KCNJ3: variants seen among roughly 807,000 people sequenced by gnomAD.
KCNJ3 encodes G protein-activated inward rectifier potassium channel 1.
Under a neutral mutation model 39.2 loss-of-function variants are expected in KCNJ3, and 4 were observed. That is an observed-to-expected ratio of 0.10 (90% CI 0.05 to 0.23). The LOEUF is 0.23. Among genes scored for constraint, KCNJ3 ranks in the 10% least tolerant of loss-of-function variants. The pLI is 1.00. For missense variants in KCNJ3, 276 were observed against 634.9 expected (o/e 0.43, Z 6.08); for synonymous variants, 230 against 237.4 (o/e 0.97, Z 0.29).
At chr2:154,751,515 G>A (rs540967229) in intron 2 of KCNJ3, among the ~76,000 whole-genome samples, 14 of 151,896 alleles carry the variant, frequency 9.2e-5, no homozygotes, top group Middle Eastern at 3.4e-3. Context: ...ATCCATTCAC[G>A]TATCCATTTT....
At chr2:154,724,946 G>A (rs919572069) in intron 2 of KCNJ3, among the ~76,000 whole-genome samples, 2 of 58,868 alleles carry the variant, frequency 3.4e-5, no homozygotes, top group African/African-American at 2.0e-4. Context: ...TACCTTTGAT[G>A]CAGACCTGAG....
At chr2:154,738,547 C>T (rs1326634935) in intron 2 of KCNJ3, among the ~76,000 whole-genome samples, 1 of 151,828 alleles carries the variant, frequency 6.6e-6, no homozygotes, top group Non-Finnish European at 1.5e-5. Context: ...TATACACCTA[C>T]TATGTAGCCA....
intron 2 of KCNJ3, among the ~76,000 whole-genome samples, chr2:154,727,767 T>C (rs777312054): frequency 1.9e-4 from 29 of 151,810 alleles, no homozygotes; most frequent in Non-Finnish European, 3.4e-4. Flanking sequence ...CTTTTAAAAA[T>C]GGCGTTTATA....
At chr2:154,829,365 G>T (rs1687324252) in intron 2 of KCNJ3, among the ~76,000 whole-genome samples, 2 of 152,102 alleles carry the variant, frequency 1.3e-5, no homozygotes, top group Admixed American at 6.6e-5. Context: ...CCACATATAA[G>T]TGAGAACATG....
At chr2:154,811,813 G>C (rs1687012209) in intron 2 of KCNJ3, among the ~76,000 whole-genome samples, 1 of 152,182 alleles carries the variant, frequency 6.6e-6, no homozygotes, top group African/African-American at 2.4e-5. Flanking sequence ...GTTTGTAGCA[G>C]AGATGGGTGG....
chr2:154,826,797 CCTAT>C (rs1310663438), intron 2 of KCNJ3, among the ~76,000 whole-genome samples: 5 of 152,206 alleles, frequency 3.3e-5, no homozygotes, highest in East Asian at 1.9e-4. Flanking sequence ...TATAAATGAA[CCTAT>C]CTGTTTGTGC....
Position 154,748,534 on chromosome 2 carries a change from T to C in KCNJ3, c.919+38715T>C, listed in dbSNP as rs187129225. Among the ~76,000 whole-genome samples the C allele has an allele frequency of 5.3e-3, 805 of 152,216 alleles. 6 individuals carry two copies. Among genetic ancestry groups the C allele is most frequent in the African/African-American group, 0.017 (709 of 41,566 alleles). On this transcript the variant is annotated intron_variant, in intron 2 of 2. Coordinates refer to ENST00000295101, the MANE Select transcript of KCNJ3 (RefSeq NM_002239.4). ...AGGAAGCAATTCTACATGACATTTC[T>C]GGGATGCCCAGTGCCCTTCGTCCTG...
rs1249944016 is a variant in KCNJ3, at chr2:154,856,187, C to T, written c.*874C>T. On this transcript the variant is annotated 3_prime_UTR_variant, in exon 3 of 3. Coordinates refer to ENST00000295101, the MANE Select transcript of KCNJ3 (RefSeq NM_002239.4). Reference sequence around the variant, plus strand: ...ATTTGAGAATTATTCCTTTCCTAGACTAATTAAAATCTGGAAATCTGTTTT... The same window carrying T: ...ATTTGAGAATTATTCCTTTCCTAGATTAATTAAAATCTGGAAATCTGTTTT... 6.6e-6 allele frequency: 1 copy of T among 152,492 alleles called. No homozygotes were observed. The highest frequency in any genetic ancestry group is 1.5e-5 in the Non-Finnish European group (1 of 67,988). The allele number at this position is 152,492 out of a possible 1,614,324, so 9.4% of individuals were successfully genotyped here. A position where few individuals can be genotyped will look rare whatever the true frequency, so the allele number is the denominator to read the frequency against.
rs1347187522 is a variant in KCNJ3, at chr2:154,740,275, T to A, written c.919+30456T>A. Among the ~76,000 whole-genome samples the A allele has an allele frequency of 2.0e-5, 3 of 152,068 alleles. No homozygotes were observed. In the East Asian group the frequency reaches 5.8e-4, roughly 29 times the overall value. On this transcript the variant is annotated intron_variant, in intron 2 of 2. Transcript: ENST00000295101. ...TATTATTTCCTTGATTGATCTTATG[T>A]TCCCTGTTGTTGCCAGTAATTAAAA... is the stretch of plus-strand genomic sequence containing the variant.
rs16838325 is a variant in KCNJ3, at chr2:154,854,613, A to C, written c.920-114A>C. On this transcript the variant is annotated intron_variant, in intron 2 of 2. Transcript: ENST00000295101. ...TAATCTATTCTATTATTCGGGCTTC[A>C]GATAAACAGTCCAAAACCTAGATAA... The C allele has an allele frequency of 4.4e-6, 3 of 685,892 alleles. No homozygotes were observed. The Middle Eastern group carries it at 1.2e-3, about 277-fold the overall frequency. 42.5% of individuals were successfully genotyped at this position (685,892 alleles called of 1,614,324 possible).
intron 2 of KCNJ3, among the ~76,000 whole-genome samples, chr2:154,827,566 G>A (rs1214234529): frequency 6.6e-6 from 1 of 152,028 alleles, no homozygotes; most frequent in African/African-American, 2.4e-5. Flanking sequence ...AATAACTGCT[G>A]CTTGAAACAC....
intron 1 of KCNJ3, among the ~76,000 whole-genome samples, chr2:154,706,465 C>A (rs143877687): frequency 1.3e-5 from 2 of 151,920 alleles, no homozygotes; most frequent in African/African-American, 4.8e-5. Context: ...ATCAGTGGTG[C>A]CAATTTATTA....
chr2:154,838,861 C>G (rs1687518276), intron 2 of KCNJ3, among the ~76,000 whole-genome samples: 1 of 152,132 alleles, frequency 6.6e-6, no homozygotes, highest in Non-Finnish European at 1.5e-5. Flanking sequence ...ATTTTCTTCT[C>G]TATGCTAGTG....
chr2:154,731,546 A>G (rs1317948638), intron 2 of KCNJ3, among the ~76,000 whole-genome samples: 1 of 152,038 alleles, frequency 6.6e-6, no homozygotes, highest in Non-Finnish European at 1.5e-5. Flanking sequence ...TTAAGTACAT[A>G]TTTGAGTTAA....
At chr2:154,810,948 C>G (rs1473414860) in intron 2 of KCNJ3, among the ~76,000 whole-genome samples, 1 of 152,094 alleles carries the variant, frequency 6.6e-6, no homozygotes, top group African/African-American at 2.4e-5. Context: ...CTTTTACTAT[C>G]CAAAGTTAAA....
intron 2 of KCNJ3, among the ~76,000 whole-genome samples, chr2:154,845,618 A>G (rs1020431467): frequency 1.3e-5 from 2 of 152,214 alleles, no homozygotes; most frequent in Non-Finnish European, 2.9e-5. Flanking sequence ...GAAAGCAGAA[A>G]AAAGTTTGAT....
intron 2 of KCNJ3, among the ~76,000 whole-genome samples, chr2:154,794,000 C>T (rs1274996264): frequency 2.0e-5 from 3 of 151,852 alleles, no homozygotes; most frequent in Admixed American, 2.0e-4. Flanking sequence ...TATGTGTTCA[C>T]TTTCAGCAAT....
At chr2:154,842,957 T>C (rs1314969804) in intron 2 of KCNJ3, among the ~76,000 whole-genome samples, 2 of 152,232 alleles carry the variant, frequency 1.3e-5, no homozygotes, top group Non-Finnish European at 2.9e-5. Context: ...AATATTGTTA[T>C]GTGTGAATTT....
chr2:154,819,366 C>T (rs1329843658), intron 2 of KCNJ3, among the ~76,000 whole-genome samples: 4 of 152,128 alleles, frequency 2.6e-5, no homozygotes, highest in Non-Finnish European at 5.9e-5. Context: ...TCCTCAGATT[C>T]AATCAGTATC....
Sources: gnomAD v4.1 joint callset for allele counts (sites outside exome capture counted in the v4.1 genomes callset) on GRCh38, gnomAD v4.1.1 for gene constraint, MANE v1.5 for transcripts, NCBI Gene and HGNC (gene_info 2026-07-23, HGNC 2026-07-21) for gene names.